Variants in HS3ST5 observed in about 807,000 individuals in gnomAD.
HS3ST5 encodes heparan sulfate glucosamine 3-O-sulfotransferase 5.
In HS3ST5, 10 loss-of-function variants were observed where a neutral mutation model predicts 25.4. The ratio of observed to expected loss-of-function variants is 0.39; its 90% CI spans 0.24 to 0.67. The LOEUF (loss-of-function observed/expected upper bound fraction) is 0.67. HS3ST5 is among the 30% of genes least tolerant of loss of function. The pLI, the probability that HS3ST5 is intolerant of heterozygous loss-of-function variation, is 0.44. For missense variants in HS3ST5, 324 were observed against 420.7 expected (o/e 0.77, Z 2.01); for synonymous variants, 170 against 162.4 (o/e 1.05, Z -0.36).
intron 3 of HS3ST5, among the ~76,000 whole-genome samples, chr6:114,111,046 C>T (rs547957446): frequency 6.6e-6 from 1 of 152,210 alleles, no homozygotes; most frequent in Admixed American, 6.5e-5. Context: ...TCATATTCAC[C>T]CCCAAAGTAT....
At chr6:114,152,810 G>T (rs948794464) in intron 3 of HS3ST5, among the ~76,000 whole-genome samples, 1 of 152,206 alleles carries the variant, frequency 6.6e-6, no homozygotes, top group Non-Finnish European at 1.5e-5. Flanking sequence ...GGATGTAAAA[G>T]TTCAGCACCC....
intron 1 of HS3ST5, among the ~76,000 whole-genome samples, chr6:114,236,679 T>C (rs1771870105): frequency 6.6e-6 from 1 of 152,222 alleles, no homozygotes; most frequent in Admixed American, 6.5e-5. Flanking sequence ...CTAGTCTTTA[T>C]CTACTATCGT....
At chr6:114,230,876 C>T (rs1771556242) in intron 1 of HS3ST5, among the ~76,000 whole-genome samples, 1 of 152,166 alleles carries the variant, frequency 6.6e-6, no homozygotes, top group African/African-American at 2.4e-5. Flanking sequence ...GCTCGAGCCA[C>T]CGCGCCCGGC....
At chr6:114,192,296 T>G (rs1780540673) in intron 2 of HS3ST5, among the ~76,000 whole-genome samples, 1 of 152,222 alleles carries the variant, frequency 6.6e-6, no homozygotes, top group African/African-American at 2.4e-5. Flanking sequence ...TTCTAAGCAC[T>G]TTGCAAACAG....
In HS3ST5 at chr6:114,091,944, C is replaced by A. The variant is rs1775141263; in HGVS notation, c.-32-29067G>T. Among the ~76,000 whole-genome samples, 3 of 152,164 alleles carry A rather than the reference C, an allele frequency of 2.0e-5. No individual in the cohort carries two copies. The South Asian group carries it at 6.2e-4, about 32-fold the overall frequency. ...CATGGACATTTGCTGGCAATGCTGT[C>A]TGAGATAAGTGGCCTCTTTTACAGT... On this transcript the variant is annotated intron_variant, in intron 3 of 4. Coordinates refer to ENST00000312719, the MANE Select transcript of HS3ST5 (RefSeq NM_153612.4).
At chr6:114,113,816 A>G (rs1221952427) in intron 3 of HS3ST5, among the ~76,000 whole-genome samples, 2 of 151,956 alleles carry the variant, frequency 1.3e-5, no homozygotes, top group African/African-American at 2.4e-5. Context: ...GATTTGGGCA[A>G]GATAACTGTC....
At chr6:114,253,068 A>T (rs540572190) in intron 1 of HS3ST5, among the ~76,000 whole-genome samples, 18 of 152,120 alleles carry the variant, frequency 1.2e-4, no homozygotes, top group Non-Finnish European at 2.5e-4. Context: ...GTATGTCTGT[A>T]GTCCCAGCTA....
chr6:114,212,084 G>T (rs1781532133), intron 2 of HS3ST5, among the ~76,000 whole-genome samples: 1 of 152,188 alleles, frequency 6.6e-6, no homozygotes, highest in African/African-American at 2.4e-5. Context: ...CGATTAAAGG[G>T]GTTTGTGTTA....
intron 3 of HS3ST5, among the ~76,000 whole-genome samples, chr6:114,123,208 C>T (rs1776877979): frequency 6.6e-6 from 1 of 152,194 alleles, no homozygotes; most frequent in South Asian, 2.1e-4. Context: ...CCACCTTGAC[C>T]TCCCAAAGTG....
In HS3ST5 at chr6:114,173,582, G is replaced by A. The variant is rs574578514; in HGVS notation, c.-144-5120C>T. On this transcript the variant is annotated intron_variant, in intron 2 of 4. Transcript: ENST00000312719. ...AAATTTCAAAATCAAGTGCTGGCTG[G>A]GCACGGTGGCTCATGCCTGTAATCC... 1.7e-4 allele frequency among the ~76,000 whole-genome samples: 26 copies of A among 152,274 alleles called. 1 individual carries two copies. The East Asian group carries it at 4.4e-3, about 26-fold the overall frequency.
chr6:114,149,998 G>A (rs939844664), intron 3 of HS3ST5, among the ~76,000 whole-genome samples: 2 of 152,124 alleles, frequency 1.3e-5, no homozygotes, highest in Non-Finnish European at 2.9e-5. Flanking sequence ...AGATAAGTGA[G>A]GCTATTCATG....
intron 1 of HS3ST5, among the ~76,000 whole-genome samples, chr6:114,294,646 CGTG>C (rs1394946196): frequency 6.6e-6 from 1 of 151,948 alleles, no homozygotes; most frequent in Non-Finnish European, 1.5e-5. Flanking sequence ...GGGGTTTCAC[CGTG>C]GTCTCCATCT....
intron 1 of HS3ST5, among the ~76,000 whole-genome samples, chr6:114,311,960 TAGTATTTTAACTACCAACTA>T (rs1243424410): frequency 1.1e-4 from 16 of 152,236 alleles, no homozygotes; most frequent in African/African-American, 2.7e-4. Context: ...TGAAAGTTGG[TAGTATTTTAACTACCAACTA>T]AGTATTTTAA....
intron 2 of HS3ST5, among the ~76,000 whole-genome samples, chr6:114,216,311 C>G (rs1453629911): frequency 6.6e-6 from 1 of 152,194 alleles, no homozygotes; most frequent in Non-Finnish European, 1.5e-5. Flanking sequence ...AGCAATCTGG[C>G]AAAGCCCATT....
intron 1 of HS3ST5, among the ~76,000 whole-genome samples, chr6:114,324,380 T>C (rs1283884688): frequency 5.9e-5 from 9 of 152,218 alleles, no homozygotes; most frequent in Non-Finnish European, 1.2e-4. Flanking sequence ...TCATCACTTT[T>C]CTTCATCATT....
At chr6:114,213,366 G>T (rs924469889) in intron 2 of HS3ST5, among the ~76,000 whole-genome samples, 12 of 151,332 alleles carry the variant, frequency 7.9e-5, no homozygotes, top group Non-Finnish European at 1.3e-4. Context: ...GGCAGGGCAG[G>T]CAAAGCTAGT....
chr6:114,144,122 A>G (rs1778040057), intron 3 of HS3ST5, among the ~76,000 whole-genome samples: 1 of 152,048 alleles, frequency 6.6e-6, no homozygotes, highest in Admixed American at 6.5e-5. Context: ...TGTGTTCACC[A>G]CTCTACTCTG....
At chr6:114,110,092 TAC>T (rs1467228275) in intron 3 of HS3ST5, among the ~76,000 whole-genome samples, 1 of 152,190 alleles carries the variant, frequency 6.6e-6, no homozygotes, top group Admixed American at 6.5e-5. Context: ...CATTTACATA[TAC>T]ACACATTTAC....
intron 1 of HS3ST5, among the ~76,000 whole-genome samples, chr6:114,331,980 T>G (rs1298474802): frequency 6.6e-6 from 1 of 151,942 alleles, no homozygotes; most frequent in Non-Finnish European, 1.5e-5. Flanking sequence ...TTAAATAATA[T>G]GATTATTAGA....
Sources: gnomAD v4.1 joint callset for allele counts (sites outside exome capture counted in the v4.1 genomes callset) on GRCh38, gnomAD v4.1.1 for gene constraint, MANE v1.5 for transcripts, NCBI Gene and HGNC (gene_info 2026-07-23, HGNC 2026-07-21) for gene names.